PPEF2: variants seen among roughly 807,000 people sequenced by gnomAD.
PPEF2 encodes the protein protein phosphatase with EF-hand domain 2.
In PPEF2, 84 loss-of-function variants were observed where a neutral mutation model predicts 84.7. The observed-to-expected ratio is 0.99, with a 90% CI of 0.83 to 1.19. The LOEUF (loss-of-function observed/expected upper bound fraction) is 1.19. Ranked by LOEUF, PPEF2 falls within the 50% of genes most tolerant of loss-of-function variation. The probability of loss-of-function intolerance (pLI) is 0.00; values close to 1 mark genes in which losing one functional copy is unlikely to be tolerated. For missense variants in PPEF2, 924 were observed against 937.5 expected (o/e 0.99, Z 0.19); for synonymous variants, 346 against 345.2 (o/e 1.00, Z -0.03).
intron 1 of PPEF2, among the ~76,000 whole-genome samples, chr4:75,899,780 C>T (rs1980094): frequency 0.52 from 79,202 of 151,810 alleles, 22,420 homozygotes; most frequent in East Asian, 0.97. Flanking sequence ...ATGTCCAAAC[C>T]AACAAAACTG....
rs558687379 is a variant in PPEF2 at position 75,888,315 on chromosome 4, C to G, written c.431G>C (p.Arg144Pro). ...AFRLKQQLHARYVLNLLYETK... is the reference protein window; with the variant it reads ...AFRLKQQLHAPYVLNLLYETK... ...TTCATACAAAAGGTTCAAGACGTAG[C>G]GAGCATGGAGCTGCTACTGGGAGGA... The change falls in exon 6 of 17, where the codon CGC becomes CCC. Residue 144 changes from arginine (R) to proline (P), a missense_variant. Arg to Pro is a moderately radical substitution (Grantham distance 103). Coordinates refer to ENST00000286719, the MANE Select transcript of PPEF2 (RefSeq NM_006239.3). The G allele has an allele frequency of 3.1e-6, 5 of 1,613,228 alleles. No individual in the cohort carries two copies. Among genetic ancestry groups the G allele is most frequent in the East Asian group, 2.2e-5 (1 of 44,882 alleles).
Position 75,872,156 on chromosome 4 carries a change from G to T in PPEF2, c.1518C>A (p.Ile506=). 6.2e-7 allele frequency: 1 copy of T among 1,613,522 alleles called. No homozygotes were observed. The highest frequency in any genetic ancestry group is 1.1e-5 in the South Asian group (1 of 90,940). The change falls in exon 13 of 17, where the codon ATC becomes ATA. Residue 506 remains isoleucine, a synonymous_variant. Coordinates refer to ENST00000286719, the MANE Select transcript of PPEF2 (RefSeq NM_006239.3). ...CTTCATAGTAGTTGGAGGCAGAAAA[G>T]ATTGTTAATACCTACATCAAAACAG... ...EFCHNRKVLT[I]FSASNYYEVG...
At chr4:75,884,167 G>A (rs531519078) in intron 8 of PPEF2, among the ~76,000 whole-genome samples, 25 of 151,598 alleles carry the variant, frequency 1.6e-4, no homozygotes, top group African/African-American at 4.6e-4. Flanking sequence ...GGTGGCTCAC[G>A]TCTGTAAATC....
At chr4:75,866,047 T>C (rs1724122170) in intron 15 of PPEF2, 142 bp downstream of exon 15, 6 of 996,870 alleles carry the variant, frequency 6.0e-6, no homozygotes, top group Non-Finnish European at 8.7e-6. Flanking sequence ...GCCTGACACA[T>C]AGAAACTCAA....
Position 75,876,462 on chromosome 4 carries a change from T to C in PPEF2, c.1145A>G (p.Asp382Gly). ...SSSIPCSGSLDGRELSRQVRS... is the reference protein window; with the variant it reads ...SSSIPCSGSLGGRELSRQVRS... ...CACCTGCCGGGAGAGCTCCCGCCCG[T>C]CCAGGGAACCGCTGCAGGGGATGCT... Residue 382 changes from aspartate to glycine, a missense_variant, in exon 11 of 17, where the codon GAC becomes GGC. Asp to Gly is a moderately conservative substitution (Grantham distance 94). Coordinates refer to ENST00000286719, the MANE Select transcript of PPEF2 (RefSeq NM_006239.3). 6.2e-7 allele frequency: 1 copy of C among 1,614,024 alleles called. No homozygotes were observed. Among genetic ancestry groups the C allele is most frequent in the African/African-American group, 1.3e-5 (1 of 75,070 alleles).
chr4:75,896,897 T>C (rs35334463), intron 1 of PPEF2, among the ~76,000 whole-genome samples: 24,665 of 152,026 alleles, frequency 0.16, 2,242 homozygotes, highest in Non-Finnish European at 0.2. Context: ...TTCTTTCTTT[T>C]TTGAGACAGA....
chr4:75,883,330 T>C (rs1724627304), intron 8 of PPEF2, 128 bp from the exon 9 acceptor site: 2 of 814,572 alleles, frequency 2.5e-6, no homozygotes, highest in East Asian at 5.0e-5. Context: ...GACTGAGGAA[T>C]AATCACCAAA....
At chr4:75,899,489 A>G (rs1725073999) in intron 1 of PPEF2, among the ~76,000 whole-genome samples, 1 of 152,148 alleles carries the variant, frequency 6.6e-6, no homozygotes, top group Admixed American at 6.6e-5. Context: ...CTTAACATCA[A>G]GAGCGAATCC....
At chr4:75,899,460 G>T (rs1725073385) in intron 1 of PPEF2, among the ~76,000 whole-genome samples, 1 of 152,216 alleles carries the variant, frequency 6.6e-6, no homozygotes, top group South Asian at 2.1e-4. Context: ...TCTTCAGGAG[G>T]TAATGTGAGA....
chr4:75,898,902 T>A (rs1033199083), intron 1 of PPEF2, among the ~76,000 whole-genome samples: 2 of 152,094 alleles, frequency 1.3e-5, no homozygotes, highest in African/African-American at 4.8e-5. Context: ...AAATATACAA[T>A]GCATTATTGT....
intron 16 of PPEF2, among the ~76,000 whole-genome samples, chr4:75,863,886 T>C (rs1252602319): frequency 2.0e-5 from 3 of 151,422 alleles, no homozygotes; most frequent in African/African-American, 7.3e-5. Context: ...TTTTTTTTTT[T>C]TTCCGCGACA....
intron 11 of PPEF2, among the ~76,000 whole-genome samples, chr4:75,874,004 A>G (rs1724348435): frequency 6.6e-6 from 1 of 151,968 alleles, no homozygotes; most frequent in Non-Finnish European, 1.5e-5. Context: ...ACTATTCAGG[A>G]GGCTGAGGCA....
At chr4:75,900,589 G>C (rs1468738941) in intron 1 of PPEF2, among the ~76,000 whole-genome samples, 1 of 152,128 alleles carries the variant, frequency 6.6e-6, no homozygotes, top group Non-Finnish European at 1.5e-5. Flanking sequence ...GTTATTTATG[G>C]ATAATGGTAA....
chr4:75,889,335 C>T (rs569472819), intron 5 of PPEF2: 2 of 152,684 alleles, frequency 1.3e-5, no homozygotes, highest in African/African-American at 4.8e-5. Context: ...GCTCCCTCTT[C>T]TCCAGCCACA....
intron 12 of PPEF2, 128 bp downstream of exon 12, chr4:75,872,999 A>T: frequency 1.1e-6 from 1 of 907,380 alleles, no homozygotes; most frequent in Non-Finnish European, 1.6e-6. Flanking sequence ...AGTTGCTTTG[A>T]GCAAGTAGGT....
At chr4:75,892,116 C>A in intron 2 of PPEF2, 138 bp from the exon 3 acceptor site, 1 of 1,132,238 alleles carries the variant, frequency 8.8e-7, no homozygotes, top group Non-Finnish European at 1.2e-6. Flanking sequence ...TACCCATTGA[C>A]GCCCATAGGA....
intron 10 of PPEF2, among the ~76,000 whole-genome samples, chr4:75,881,136 G>C (rs1257417104): frequency 2.9e-5 from 4 of 138,604 alleles, no homozygotes; most frequent in African/African-American, 1.1e-4. Flanking sequence ...GTCTCGCTGT[G>C]TGGCTCAGGC....
chr4:75,875,361 C>T (rs1416139748), intron 11 of PPEF2, among the ~76,000 whole-genome samples: 2 of 152,092 alleles, frequency 1.3e-5, no homozygotes, highest in Non-Finnish European at 2.9e-5. Flanking sequence ...GTAATCCCAG[C>T]ACTTTGGGAG....
At chr4:75,875,977 T>C (rs1335995319) in intron 11 of PPEF2, among the ~76,000 whole-genome samples, 1 of 152,144 alleles carries the variant, frequency 6.6e-6, no homozygotes, top group Non-Finnish European at 1.5e-5. Flanking sequence ...ATGGCAGCTA[T>C]ATTACTGACA....
Sources: gnomAD v4.1 joint callset for allele counts (sites outside exome capture counted in the v4.1 genomes callset) on GRCh38, gnomAD v4.1.1 for gene constraint, MANE v1.5 for transcripts, NCBI Gene and HGNC (gene_info 2026-07-23, HGNC 2026-07-21) for gene names.